The following DNAH2 variants were observed in gnomAD, a reference collection of about 807,000 sequenced individuals.
DNAH2 encodes dynein axonemal heavy chain 2.
In DNAH2, 323 loss-of-function variants were observed where a neutral mutation model predicts 523.5. The observed-to-expected ratio is 0.62, with a 90% CI of 0.56 to 0.68. The LOEUF (loss-of-function observed/expected upper bound fraction) is 0.68. Ranked by LOEUF, DNAH2 falls within the 30% of genes least tolerant of loss-of-function variation. DNAH2 has a pLI of 0.00. For missense variants in DNAH2, 4,907 were observed against 5,701.5 expected (o/e 0.86, Z 4.49); for synonymous variants, 2,093 against 2,177.4 (o/e 0.96, Z 1.08).
In DNAH2 at chr17:7,796,661, C is replaced by G; in HGVS notation, c.7863+9C>G. 1.2e-6 allele frequency: 2 copies of G among 1,607,342 alleles called. 1 individual carries two copies. The highest frequency in any genetic ancestry group is 3.6e-4 in the Middle Eastern group (2 of 5,486). On this transcript the variant is annotated intron_variant, in intron 50 of 85. Coordinates refer to ENST00000572933, the MANE Select transcript of DNAH2 (RefSeq NM_020877.5). ...TTCGAGACATCTCCAAGGTGACTCG[C>G]GGCCTGACCTTGCCCCTTCTGCTTG...
intron 12 of DNAH2, among the ~76,000 whole-genome samples, chr17:7,755,659 C>T (rs958999997): frequency 2.0e-5 from 3 of 151,968 alleles, no homozygotes; most frequent in African/African-American, 7.3e-5. Flanking sequence ...AGTGGGTTTT[C>T]TCAGACGTGG....
Position 7,723,629 on chromosome 17 carries a change from G to A in DNAH2, c.168G>A (p.Glu56=). ...LQAELPKEEP[E]PRLEGPQAQS... ...TTTTTGTATGTTTATTCTTCCTAGA[G>A]CCACGGTTGGAGGGACCTCAAGCAC... Residue 56 remains glutamate (E), a splice_region_variant and synonymous_variant, in exon 3 of 86, where the codon GAG becomes GAA. Transcript: ENST00000572933. 1 of 1,613,804 alleles carries A rather than the reference G, an allele frequency of 6.2e-7. No individual in the cohort carries two copies. The highest frequency in any genetic ancestry group is 8.5e-7 in the Non-Finnish European group (1 of 1,179,866).
At chr17:7,794,154 C>T (rs1383651655) in intron 48 of DNAH2, 100 bp from the exon 49 acceptor site, 34 of 765,672 alleles carry the variant, frequency 4.4e-5, no homozygotes, top group South Asian at 2.1e-4. Context: ...TGTCCCTCCT[C>T]GCACTGTTTT....
At chr17:7,749,345 A>AAAAG (rs1597523445) in intron 12 of DNAH2, among the ~76,000 whole-genome samples, 52 of 142,028 alleles carry the variant, frequency 3.7e-4, no homozygotes, top group African/African-American at 9.0e-4. Flanking sequence ...AAAAAAAAAA[A>AAAAG]AAAGAAAGAA....
Position 7,821,274 on chromosome 17 carries a change from A to C in DNAH2, c.11047A>C (p.Lys3683Gln). The change falls in exon 73 of 86, where the codon AAA (lysine) becomes CAA (glutamine). Residue 3683 changes from lysine (K) to glutamine (Q), a missense_variant. Transcript: ENST00000572933. The surrounding 1 kb of genome is among the most constrained non-coding windows in gnomAD (Gnocchi z 5.0). ...CTGCCGTACCCTTTTCGAACGCCAC[A>C]AACTACTATTCAGTTTTCATATGTG... ...YTCRTLFERH[K>Q]LLFSFHMCAK... is the part of the protein sequence containing the mutation. 6.2e-7 allele frequency: 1 copy of C among 1,613,726 alleles called. No individual in the cohort carries two copies. Among genetic ancestry groups the C allele is most frequent in the South Asian group, 1.1e-5 (1 of 90,990 alleles).
chr17:7,770,339 G>T lies in DNAH2; in HGVS notation c.4029G>T (p.Gly1343=), dbSNP rs1227690755. 1.9e-6 allele frequency: 3 copies of T among 1,614,088 alleles called. No individual in the cohort carries two copies. The Admixed American group carries it at 5.0e-5, about 27-fold the overall frequency. The change falls in exon 25 of 86, where the codon GGG becomes GGT. Residue 1343 remains glycine, a synonymous_variant. Coordinates refer to ENST00000572933, the MANE Select transcript of DNAH2 (RefSeq NM_020877.5). ...SFTLEQIVEL[G]MDQHVEKIGE... is the part of the protein sequence containing the mutation. ...CCTTGGAGCAGATTGTGGAGCTTGG[G>T]ATGGATCAGCATGTGGAGAAAATTG... is the stretch of plus-strand genomic sequence containing the variant.
chr17:7,780,800 C>G lies in DNAH2; in HGVS notation c.6003+18C>G, dbSNP rs1433062903. ...ATGAAGAGGTAGAGCAAGGACACAG[C>G]CTTTGGACCTGACTTCCACTGTCAC... On this transcript the variant is annotated intron_variant, in intron 38 of 85. Transcript: ENST00000572933. The surrounding 1 kb of genome is among the most constrained non-coding windows in gnomAD (Gnocchi z 4.4). 1.2e-5 allele frequency: 20 copies of G among 1,613,876 alleles called. No homozygotes were observed. In the Admixed American group the frequency reaches 3.2e-4, roughly 26 times the overall value.
In DNAH2 at chr17:7,759,805, C is replaced by G. The variant is rs758378686; in HGVS notation, c.2652C>G (p.Pro884=). 42 of 1,614,104 alleles carry G rather than the reference C, an allele frequency of 2.6e-5. 1 individual carries two copies. The Admixed American group carries it at 3.2e-4, about 12-fold the overall frequency. Residue 884 remains proline (P), a synonymous_variant, in exon 17 of 86, where the codon CCC becomes CCG. Coordinates refer to ENST00000572933, the MANE Select transcript of DNAH2 (RefSeq NM_020877.5). ...QGSVAQVEFS[P]TLQTLAGVVN... is the part of the protein sequence containing the mutation. ...GTTCCTCACAGGTGGAATTCTCACC[C>G]ACTCTGCAGACTTTGGCAGGTGTGG...
In DNAH2 at chr17:7,780,523, G is replaced by A; in HGVS notation, c.5851-107G>A. 1 of 1,519,216 alleles carries A rather than the reference G, an allele frequency of 6.6e-7. No homozygotes were observed. Among genetic ancestry groups the A allele is most frequent in the Admixed American group, 1.8e-5 (1 of 54,742 alleles). The allele number at this position is 1,519,216 out of a possible 1,614,324, so 94.1% of individuals were successfully genotyped here. ...AGGAGAATCCATAGAGTGCCTCCTA[G>A]CTGCTTCATGTCCTGGGACCTGGCT... is the stretch of plus-strand genomic sequence containing the variant. On this transcript the variant is annotated intron_variant, in intron 37 of 85. Coordinates refer to ENST00000572933, the MANE Select transcript of DNAH2 (RefSeq NM_020877.5). This position sits in a 1 kb window ranked among gnomAD's most constrained non-coding sequence, Gnocchi z 4.4.
chr17:7,771,196 C>G, intron 27 of DNAH2, 134 bp from the exon 28 acceptor site: 1 of 1,337,320 alleles, frequency 7.5e-7, no homozygotes. Flanking sequence ...CCTTGTAGAA[C>G]TTGGGCATCT....
intron 8 of DNAH2, chr17:7,738,179 G>T (rs931826854): frequency 1.4e-6 from 1 of 693,468 alleles, no homozygotes; most frequent in African/African-American, 1.7e-5. Flanking sequence ...CCTGTAAGAG[G>T]GTAGATTCTG....
In DNAH2 at chr17:7,831,751, C is replaced by T. The variant is rs2078181581; in HGVS notation, c.12702C>T (p.Ala4234=). The T allele has an allele frequency of 6.2e-7, 1 of 1,613,822 alleles. No individual in the cohort carries two copies. The highest frequency in any genetic ancestry group is 1.3e-5 in the African/African-American group (1 of 74,890). ...AGATTTTCAATTGCATCTTTGATGC[C>T]CATGTTCCTCCGCTCTGGGGAAAGG... The part of the protein sequence containing the change: ...LEEIFNCIFD[A]HVPPLWGKAY... The change falls in exon 82 of 86, where the codon GCC becomes GCT. Residue 4234 remains alanine, a synonymous_variant. Transcript: ENST00000572933. This position sits in a 1 kb window ranked among gnomAD's most constrained non-coding sequence, Gnocchi z 4.2.
intron 65 of DNAH2, 26 bp from the exon 66 acceptor site, chr17:7,817,535 A>G: frequency 6.2e-7 from 1 of 1,613,694 alleles, no homozygotes; most frequent in Non-Finnish European, 8.5e-7. Context: ...TCTTCAAGTT[A>G]AAGCATGGGG....
chr17:7,724,958 GCCT>G (rs1208246520), intron 3 of DNAH2, among the ~76,000 whole-genome samples: 3 of 151,992 alleles, frequency 2.0e-5, no homozygotes, highest in Non-Finnish European at 2.9e-5. Flanking sequence ...GGCCAGGCTG[GCCT>G]CAAACTCCTG....
At chr17:7,806,608 G>A (rs1186104613) in intron 61 of DNAH2, among the ~76,000 whole-genome samples, 1 of 142,282 alleles carries the variant, frequency 7.0e-6, no homozygotes, top group East Asian at 2.1e-4. Context: ...GCAGTGAGCC[G>A]AGATTGCACC....
rs367747929 is a variant in DNAH2 at position 7,781,117 on chromosome 17, G to C, written c.6079G>C (p.Val2027Leu). 4.3e-6 allele frequency: 7 copies of C among 1,614,212 alleles called. No homozygotes were observed. In the African/African-American group the frequency reaches 8.0e-5, roughly 18 times the overall value. Residue 2027 changes from valine (V) to leucine (L), a missense_variant, in exon 39 of 86, where the codon GTG becomes CTG. Val to Leu is a conservative substitution (Grantham distance 32). Coordinates refer to ENST00000572933, the MANE Select transcript of DNAH2 (RefSeq NM_020877.5). ...SVDAPLFNAI[V>L]QDLFPNIELP... ...TGATGCACCCCTGTTCAATGCCATC[G>C]TGCAAGATCTGTTTCCCAACATTGA...
rs778322436 is a variant in DNAH2, at chr17:7,787,855, C to G, written c.6604-5C>G. The G allele has an allele frequency of 2.5e-6, 4 of 1,611,828 alleles. No homozygotes were observed. The highest frequency in any genetic ancestry group is 8.5e-7 in the Non-Finnish European group (1 of 1,178,982). Reference sequence around the variant, plus strand: ...GATGAAGTTCTGACAAACGTATATCCTTAGGTGTCTCTCCTGTTTGAAGTG... The same window carrying G: ...GATGAAGTTCTGACAAACGTATATCGTTAGGTGTCTCTCCTGTTTGAAGTG... On this transcript the variant is annotated splice_polypyrimidine_tract_variant and splice_region_variant and intron_variant, in intron 42 of 85. Coordinates refer to ENST00000572933, the MANE Select transcript of DNAH2 (RefSeq NM_020877.5).
intron 11 of DNAH2, among the ~76,000 whole-genome samples, chr17:7,741,479 T>C (rs1409041469): frequency 6.6e-6 from 1 of 150,962 alleles, no homozygotes; most frequent in East Asian, 1.9e-4. Flanking sequence ...TGCCTCAGCC[T>C]CCCGAGTAGC....
Position 7,768,263 on chromosome 17 carries a change from G to C in DNAH2, c.3937G>C (p.Glu1313Gln). The change falls in exon 24 of 86, where the codon GAG (glutamate) becomes CAG (glutamine). Residue 1313 changes from glutamate to glutamine, a missense_variant. Physicochemically the swap from Glu to Gln is conservative, Grantham distance 29. Around this residue, in one of 3 missense-constraint regions of DNAH2, gnomAD observed 2,806 missense variants for 3,190.8 expected, o/e 0.88. Coordinates refer to ENST00000572933, the MANE Select transcript of DNAH2 (RefSeq NM_020877.5). ...AGACCTGCGGAACCCTGCCCTTAGA[G>C]AGAGGTGAGGCTTCTCCTCTGCTCC... ...ISDLRNPALR[E>Q]RHWDQVRDEI... 1 of 1,614,160 alleles carries C rather than the reference G, an allele frequency of 6.2e-7. No individual in the cohort carries two copies. The highest frequency in any genetic ancestry group is 8.5e-7 in the Non-Finnish European group (1 of 1,180,034).
Sources: gnomAD v4.1 joint callset for allele counts (sites outside exome capture counted in the v4.1 genomes callset) on GRCh38, gnomAD v4.1.1 for gene constraint, gnomAD v4.1.1 regional missense constraint, Gnocchi (gnomAD v3.1) non-coding constraint, MANE v1.5 for transcripts, NCBI Gene and HGNC (gene_info 2026-07-23, HGNC 2026-07-21) for gene names.